DACT1: variants seen among roughly 807,000 people sequenced by gnomAD.
The protein encoded by DACT1 is dapper homolog 1.
In DACT1, 19 loss-of-function variants were observed where a neutral mutation model predicts 35.3. The ratio of observed to expected loss-of-function variants is 0.54; its 90% CI spans 0.38 to 0.79. The LOEUF is 0.79. Among genes scored for constraint, DACT1 ranks in the 30% least tolerant of loss-of-function variants. DACT1 has a pLI of 0.00. For missense variants in DACT1, 1,143 were observed against 1,057.5 expected (o/e 1.08, Z -1.12); for synonymous variants, 545 against 466.7 (o/e 1.17, Z -2.16).
chr14:58,647,271 T>C lies in DACT1; in HGVS notation c.*137T>C, dbSNP rs2047702345. 8 of 1,048,434 alleles carry C rather than the reference T, an allele frequency of 7.6e-6. No homozygotes were observed. Among genetic ancestry groups the C allele is most frequent in the African/African-American group, 1.6e-5 (1 of 61,570 alleles). 64.9% of individuals were successfully genotyped at this position (1,048,434 alleles called of 1,614,324 possible). On this transcript the variant is annotated 3_prime_UTR_variant, in exon 4 of 4. Coordinates refer to ENST00000395153, the MANE Select transcript of DACT1 (RefSeq NM_001079520.2). Reference sequence around the variant, plus strand: ...AAAAAAATATAAAACCAAGGTAAATTATTGTTTCATCTTCACGTATGGATG... The same window carrying C: ...AAAAAAATATAAAACCAAGGTAAATCATTGTTTCATCTTCACGTATGGATG...
At chr14:58,639,251 A>G (rs1566506458) in intron 1 of DACT1, 2 of 985,254 alleles carry the variant, frequency 2.0e-6, no homozygotes, top group Non-Finnish European at 2.4e-6. Flanking sequence ...GAGAAAAGAG[A>G]ACCTGCTCTC....
Position 58,648,221 on chromosome 14 carries a change from CATT to C in DACT1, c.*1088_*1090del, listed in dbSNP as rs528685436. 24 of 167,010 alleles carry C rather than the reference CATT, an allele frequency of 1.4e-4. No individual in the cohort carries two copies. The East Asian group carries it at 3.1e-3, about 21-fold the overall frequency. The allele number at this position is 167,010 out of a possible 1,614,324, so 10.3% of individuals were successfully genotyped here. ...ATAAACAGTATGTGTTTTTATATAT[CATT>C]GTGTAAATTTAATATAACATATGCA... On this transcript the variant is annotated 3_prime_UTR_variant, in exon 4 of 4. Coordinates refer to ENST00000395153, the MANE Select transcript of DACT1 (RefSeq NM_001079520.2).
chr14:58,638,513 T>TG lies in DACT1; in HGVS notation c.313dup (p.Glu105GlyfsTer29), dbSNP rs1272935971. 1 of 1,351,554 alleles carries TG rather than the reference T, an allele frequency of 7.4e-7. No individual in the cohort carries two copies. Among genetic ancestry groups the TG allele is most frequent in the Non-Finnish European group, 9.6e-7 (1 of 1,045,338 alleles). 83.7% of individuals were successfully genotyped at this position (1,351,554 alleles called of 1,614,324 possible). A position where few individuals can be genotyped will look rare whatever the true frequency, so the allele number is the denominator to read the frequency against. On this transcript the variant is annotated frameshift_variant, in exon 1 of 4. Coordinates refer to ENST00000395153, the MANE Select transcript of DACT1 (RefSeq NM_001079520.2). LOFTEE classifies it high-confidence loss of function. The stretch of plus-strand genomic sequence containing the variant: ...CGCAGTCGCCTGGAGGAGAAGTTCT[T>TG]GGAGGAGAACATCTTGCTGCTAAGA...
upstream of DACT1, among the ~76,000 whole-genome samples, chr14:58,637,493 C>G (rs1163107794): frequency 1.3e-5 from 2 of 152,258 alleles, no homozygotes; most frequent in Non-Finnish European, 2.9e-5. Context: ...TGAAAGAAAC[C>G]TAACTCGGTG....
At chr14:58,635,084 G>C (rs527709876), upstream of DACT1, among the ~76,000 whole-genome samples, 1 of 152,208 alleles carries the variant, frequency 6.6e-6, no homozygotes, top group South Asian at 2.1e-4. Flanking sequence ...GAACCAACTA[G>C]GGCTGAACAA....
rs570274285 is a variant in DACT1, at chr14:58,639,006, A to C, written c.345+459A>C. ...CAAGGAGGGGGTTTGTGGCGTGCTTAACTGTCCAGGGCCGAGTTTTACGAT... is the reference window on the plus strand; with the variant it reads ...CAAGGAGGGGGTTTGTGGCGTGCTTCACTGTCCAGGGCCGAGTTTTACGAT... On this transcript the variant is annotated intron_variant, in intron 1 of 3. Transcript: ENST00000395153. 65 of 984,942 alleles carry C rather than the reference A, an allele frequency of 6.6e-5. 1 individual carries two copies. The African/African-American group carries it at 1.1e-3, about 17-fold the overall frequency. 61.0% of individuals were successfully genotyped at this position (984,942 alleles called of 1,614,324 possible).
chr14:58,645,973 G>T lies in DACT1; in HGVS notation c.1239G>T (p.Lys413Asn). Residue 413 changes from lysine (K) to asparagine (N), a missense_variant, in exon 4 of 4, where the codon AAG (lysine) becomes AAT (asparagine). Transcript: ENST00000395153. ...GCGCTGCCTCCGACCTTCAGAGTAAGCACCTGCCAAAAACGGCCAAGCCAG... is the reference window on the plus strand; with the variant it reads ...GCGCTGCCTCCGACCTTCAGAGTAATCACCTGCCAAAAACGGCCAAGCCAG... Reference protein sequence around the residue: ...PSGAASDLQSKHLPKTAKPAS... With the variant: ...PSGAASDLQSNHLPKTAKPAS... 1 of 1,613,788 alleles carries T rather than the reference G, an allele frequency of 6.2e-7. No homozygotes were observed. The highest frequency in any genetic ancestry group is 8.5e-7 in the Non-Finnish European group (1 of 1,180,020).
Position 58,645,691 on chromosome 14 carries a change from C to T in DACT1, c.957C>T (p.Asn319=). The change falls in exon 4 of 4, where the codon AAC becomes AAT. Residue 319 remains asparagine, a synonymous_variant. Transcript: ENST00000395153. Reference sequence around the variant, plus strand: ...AAAAAACACACCCTGTAAGGACCAACAAACCAAGAACCAGCGTGAACGCTG... The same window carrying T: ...AAAAAACACACCCTGTAAGGACCAATAAACCAAGAACCAGCGTGAACGCTG... ...VQKKTHPVRT[N]KPRTSVNADP... 1 of 1,614,256 alleles carries T rather than the reference C, an allele frequency of 6.2e-7. No homozygotes were observed. Among genetic ancestry groups the T allele is most frequent in the Non-Finnish European group, 8.5e-7 (1 of 1,180,050 alleles).
At chr14:58,639,938 A>G (rs551276755) in intron 1 of DACT1, among the ~76,000 whole-genome samples, 20 of 152,294 alleles carry the variant, frequency 1.3e-4, no homozygotes, top group Admixed American at 5.2e-4. Flanking sequence ...GCGCATTCCT[A>G]TTGTCCGCTT....
chr14:58,645,859 A>G lies in DACT1; in HGVS notation c.1125A>G (p.Thr375=), dbSNP rs1309473003. ...SGGIPSLNNG[T]FSPPKQWSKE... ...GGATACCTTCTCTGAACAATGGGACATTCTCCCCACCGAAGCAGTGGTCGA... is the reference window on the plus strand; with the variant it reads ...GGATACCTTCTCTGAACAATGGGACGTTCTCCCCACCGAAGCAGTGGTCGA... The change falls in exon 4 of 4, where the codon ACA becomes ACG. Residue 375 remains threonine (T), a synonymous_variant. Transcript: ENST00000395153. 1 of 1,614,116 alleles carries G rather than the reference A, an allele frequency of 6.2e-7. No homozygotes were observed. Among genetic ancestry groups the G allele is most frequent in the East Asian group, 2.2e-5 (1 of 44,888 alleles).
chr14:58,645,755 G>T lies in DACT1; in HGVS notation c.1021G>T (p.Val341Phe). The change falls in exon 4 of 4, where the codon GTC becomes TTC. Residue 341 changes from valine to phenylalanine, a missense_variant. Val to Phe is a conservative substitution (Grantham distance 50). Around this residue, in one of 3 missense-constraint regions of DACT1, gnomAD observed 1,054 missense variants for 958.8 expected, o/e 1.10. Coordinates refer to ENST00000395153, the MANE Select transcript of DACT1 (RefSeq NM_001079520.2). Reference protein sequence around the residue: ...KGLLRNGSVCVRAPGGVSQGN... With the variant: ...KGLLRNGSVCFRAPGGVSQGN... Reference sequence around the variant, plus strand: ...GCTTCTGAGGAACGGGAGCGTTTGTGTCAGAGCCCCGGGCGGTGTCTCACA... The same window carrying T: ...GCTTCTGAGGAACGGGAGCGTTTGTTTCAGAGCCCCGGGCGGTGTCTCACA... 6.2e-7 allele frequency: 1 copy of T among 1,614,254 alleles called. No individual in the cohort carries two copies. Among genetic ancestry groups the T allele is most frequent in the Non-Finnish European group, 8.5e-7 (1 of 1,180,038 alleles).
Position 58,645,745 on chromosome 14 carries a change from G to C in DACT1, c.1011G>C (p.Gly337=). ...ADPTKGLLRN[G]SVCVRAPGGV... ...CCACGAAAGGGCTTCTGAGGAACGG[G>C]AGCGTTTGTGTCAGAGCCCCGGGCG... The change falls in exon 4 of 4, where the codon GGG becomes GGC. Residue 337 remains glycine (G), a synonymous_variant. Coordinates refer to ENST00000395153, the MANE Select transcript of DACT1 (RefSeq NM_001079520.2). The C allele has an allele frequency of 1.9e-6, 3 of 1,614,252 alleles. No homozygotes were observed. Among genetic ancestry groups the C allele is most frequent in the Non-Finnish European group, 2.5e-6 (3 of 1,180,038 alleles).
Position 58,638,222 on chromosome 14 carries a change from G to A in DACT1, c.20G>A (p.Gly7Glu). 7.4e-7 allele frequency: 1 copy of A among 1,349,712 alleles called. No homozygotes were observed. The allele number at this position is 1,349,712 out of a possible 1,614,324, so 83.6% of individuals were successfully genotyped here. Residue 7 changes from glycine to glutamate, a missense_variant, in exon 1 of 4, where the codon GGG becomes GAG. Coordinates refer to ENST00000395153, the MANE Select transcript of DACT1 (RefSeq NM_001079520.2). ...GGGGCCATGAAGCCGAGTCCGGCCG[G>A]GACGGCGAAGGAGCTGGAGCCTCCG... MKPSPA[G>E]TAKELEPPAP...
intron 1 of DACT1, chr14:58,639,307 C>T: frequency 2.1e-6 from 2 of 969,410 alleles, no homozygotes; most frequent in Non-Finnish European, 2.5e-6. Context: ...CTCAGTCTTT[C>T]TATGCAGTCT....
At chr14:58,639,288 T>C (rs1361696417) in intron 1 of DACT1, 1 of 983,254 alleles carries the variant, frequency 1.0e-6, no homozygotes, top group Admixed American at 6.1e-5. Flanking sequence ...ACTGGGTTTC[T>C]GTCAGTGTCT....
In DACT1 at chr14:58,646,552, C is replaced by G. The variant is rs893480714; in HGVS notation, c.1818C>G (p.Pro606=). The G allele has an allele frequency of 2.6e-6, 4 of 1,555,836 alleles. No individual in the cohort carries two copies. Among genetic ancestry groups the G allele is most frequent in the Middle Eastern group, 1.7e-4 (1 of 5,886 alleles). ...GGGGCGGGCCCGAGGCTGGTGTTCC[C>G]GGCAGGCCCGCGGGCGGGGGCCACA... The part of the protein sequence containing the change: ...KSGGGPEAGV[P]GRPAGGGHRA... Residue 606 remains proline (P), a synonymous_variant, in exon 4 of 4, where the codon CCC becomes CCG. Coordinates refer to ENST00000395153, the MANE Select transcript of DACT1 (RefSeq NM_001079520.2).
intron 3 of DACT1, among the ~76,000 whole-genome samples, chr14:58,642,094 G>A (rs1449045483): frequency 6.6e-6 from 1 of 152,088 alleles, no homozygotes; most frequent in African/African-American, 2.4e-5. Context: ...TTTTAATTAT[G>A]TAAAGCTAAA....
In DACT1 at chr14:58,646,647, A is replaced by G. The variant is rs1234026328; in HGVS notation, c.1913A>G (p.Asp638Gly). 2 of 1,612,524 alleles carry G rather than the reference A, an allele frequency of 1.2e-6. No individual in the cohort carries two copies. The highest frequency in any genetic ancestry group is 2.2e-5 in the South Asian group (2 of 91,032). The part of the protein sequence containing the change: ...VVAKPKHKRT[D>G]YRRWKSSAEI... ...GCCAAACCTAAGCACAAGCGAACTG[A>G]CTACCGGCGGTGGAAGTCCTCGGCC... Residue 638 changes from aspartate (D) to glycine (G), a missense_variant, in exon 4 of 4, where the codon GAC (aspartate) becomes GGC (glycine). This residue lies in a region of DACT1 where 1,054 missense variants were observed against 958.8 expected (regional missense o/e 1.10). Transcript: ENST00000395153.
chr14:58,634,595 A>T (rs2047562213), upstream of DACT1, among the ~76,000 whole-genome samples: 2 of 152,176 alleles, frequency 1.3e-5, no homozygotes, highest in Non-Finnish European at 2.9e-5. Context: ...CTCCAGCTCA[A>T]AGGATTGCCC....
Sources: allele counts gnomAD v4.1 joint callset (sites outside exome capture counted in the v4.1 genomes callset), GRCh38; gene constraint gnomAD v4.1.1; regional missense constraint gnomAD v4.1.1; transcripts MANE v1.5; gene names NCBI Gene and HGNC (gene_info 2026-07-23, HGNC 2026-07-21).